PPFIA1: variants seen among roughly 807,000 people sequenced by gnomAD.
The protein encoded by PPFIA1 is liprin-alpha-1.
Under a neutral mutation model 149.9 loss-of-function variants are expected in PPFIA1, and 25 were observed. The ratio of observed to expected loss-of-function variants is 0.17; its 90% CI spans 0.12 to 0.23. PPFIA1 has a LOEUF of 0.23. PPFIA1 is among the 10% of genes least tolerant of loss of function. PPFIA1 has a pLI of 1.00. For synonymous variants in PPFIA1, 549 were observed against 552.8 expected, an observed-to-expected ratio of 0.99 and a Z score of 0.10; for missense variants, 1,362 against 1,506.5, an observed-to-expected ratio of 0.90 and a Z score of 1.59.
At chr11:70,299,957 C>T (rs1423678258) in intron 2 of PPFIA1, among the ~76,000 whole-genome samples, 4 of 152,180 alleles carry the variant, frequency 2.6e-5, no homozygotes, top group African/African-American at 4.8e-5. Flanking sequence ...AACAGAATCT[C>T]GACTTGCTTA....
chr11:70,357,400 A>G (rs2056410454), intron 19 of PPFIA1, among the ~76,000 whole-genome samples: 3 of 152,184 alleles, frequency 2.0e-5, no homozygotes, highest in South Asian at 2.1e-4. Flanking sequence ...TGTGAAATCT[A>G]TCTCATTTTA....
intron 2 of PPFIA1, chr11:70,279,018 T>C (rs2050579524): frequency 1.9e-6 from 1 of 530,718 alleles, no homozygotes; most frequent in African/African-American, 2.0e-5. Flanking sequence ...CAATTCTTTA[T>C]CTCCACGAAT....
chr11:70,382,624 A>G (rs974613644), intron 27 of PPFIA1, among the ~76,000 whole-genome samples: 1 of 152,190 alleles, frequency 6.6e-6, no homozygotes, highest in African/African-American at 2.4e-5. Context: ...GTGTGACACT[A>G]ATAGCCTTTC....
rs1189669595 is a variant in PPFIA1, at chr11:70,343,806, C to T, written c.1845C>T (p.Asp615=). ...GGGACACTCTCCTCAGCTCAGTTGA[C>T]CTGCTATCGCCCAGCGGGCAGGCCG... ...DDRDTLLSSV[D]LLSPSGQADA... is the part of the protein sequence containing the mutation. The change falls in exon 15 of 28, where the codon GAC becomes GAT. Residue 615 remains aspartate (D), a synonymous_variant. Coordinates refer to ENST00000253925, the MANE Select transcript of PPFIA1 (RefSeq NM_003626.5). 1 of 1,614,180 alleles carries T rather than the reference C, an allele frequency of 6.2e-7. No individual in the cohort carries two copies. Among genetic ancestry groups the T allele is most frequent in the Middle Eastern group, 1.6e-4 (1 of 6,062 alleles).
At chr11:70,356,666 T>C (rs1384615517) in intron 19 of PPFIA1, among the ~76,000 whole-genome samples, 2 of 152,346 alleles carry the variant, frequency 1.3e-5, no homozygotes, top group East Asian at 3.9e-4. Flanking sequence ...TTAAATGGGA[T>C]AATGTGCATA....
intron 2 of PPFIA1, among the ~76,000 whole-genome samples, chr11:70,272,953 C>T (rs576593932): frequency 1.3e-5 from 2 of 152,284 alleles, no homozygotes; most frequent in South Asian, 4.1e-4. Context: ...GAGATTGATT[C>T]CTTAGGAACT....
At chr11:70,330,841 G>A (rs2054608847) in intron 8 of PPFIA1, among the ~76,000 whole-genome samples, 1 of 152,196 alleles carries the variant, frequency 6.6e-6, no homozygotes, top group Non-Finnish European at 1.5e-5. Flanking sequence ...GGAGGCTAAG[G>A]AGGGAGGATG....
rs1050199629 is a variant in PPFIA1 at position 70,322,914 on chromosome 11, C to G, written c.265-1488C>G. Among the ~76,000 whole-genome samples the G allele has an allele frequency of 8.6e-5, 13 of 151,606 alleles. No individual in the cohort carries two copies. The East Asian group carries it at 2.4e-3, about 28-fold the overall frequency. The stretch of plus-strand genomic sequence containing the variant: ...TCCACAGTCACCCTGCTGCTGTCTT[C>G]CACTCTCTCTGACCACACTCAGTTC... On this transcript the variant is annotated intron_variant, in intron 2 of 27. Transcript: ENST00000253925.
chr11:70,367,963 C>G lies in PPFIA1; in HGVS notation c.2866-4252C>G, dbSNP rs191404981. Among the ~76,000 whole-genome samples, 29 of 152,184 alleles carry G rather than the reference C, an allele frequency of 1.9e-4. No individual in the cohort carries two copies. The East Asian group carries it at 3.9e-3, about 20-fold the overall frequency. ...ACCAGCCTGGGCAACGTGGGGAAAC[C>G]CTGTCTCTACAAAAAATATAAAAAT... is the stretch of plus-strand genomic sequence containing the variant. On this transcript the variant is annotated intron_variant, in intron 21 of 27. Transcript: ENST00000253925.
chr11:70,313,466 G>A (rs2053414819), intron 2 of PPFIA1, among the ~76,000 whole-genome samples: 1 of 152,160 alleles, frequency 6.6e-6, no homozygotes, highest in African/African-American at 2.4e-5. Flanking sequence ...TTGAAGGCAG[G>A]GATGAGTTAG....
intron 21 of PPFIA1, chr11:70,366,035 A>T: frequency 2.3e-6 from 1 of 443,640 alleles, no homozygotes; most frequent in Admixed American, 2.6e-5. Context: ...GAGTATGAAA[A>T]CTTGTGTAAT....
At chr11:70,311,737 A>C (rs911799734) in intron 2 of PPFIA1, among the ~76,000 whole-genome samples, 2 of 151,016 alleles carry the variant, frequency 1.3e-5, no homozygotes, top group Non-Finnish European at 2.9e-5. Flanking sequence ...CTTTGCACAC[A>C]TTTTGTGGAT....
chr11:70,323,710 C>A (rs1208473638), intron 2 of PPFIA1, among the ~76,000 whole-genome samples: 2 of 152,232 alleles, frequency 1.3e-5, no homozygotes, highest in Non-Finnish European at 1.5e-5. Flanking sequence ...TGTTTTCTTA[C>A]AATGTTCACC....
chr11:70,338,591 A>C, intron 13 of PPFIA1, 138 bp downstream of exon 13: 1 of 646,132 alleles, frequency 1.5e-6, no homozygotes, highest in South Asian at 2.0e-5. Flanking sequence ...CGAGAGAGAA[A>C]AGTAACTCAA....
intron 21 of PPFIA1, among the ~76,000 whole-genome samples, chr11:70,368,071 G>A (rs576776931): frequency 6.6e-6 from 1 of 152,282 alleles, no homozygotes; most frequent in South Asian, 2.1e-4. Flanking sequence ...CCGGAAAGTG[G>A]ACGTTACAGT....
Position 70,326,244 on chromosome 11 carries a change from T to A in PPFIA1, c.607-18T>A. ...TATGTAAGGTATTTTACACTCATAT[T>A]CAATTTTTTGCTTTCAGCTAATGAT... is the stretch of plus-strand genomic sequence containing the variant. On this transcript the variant is annotated intron_variant, in intron 5 of 27. Coordinates refer to ENST00000253925, the MANE Select transcript of PPFIA1 (RefSeq NM_003626.5). 1 of 1,437,910 alleles carries A rather than the reference T, an allele frequency of 7.0e-7. No homozygotes were observed. Among genetic ancestry groups the A allele is most frequent in the Non-Finnish European group, 9.6e-7 (1 of 1,038,744 alleles). 89.1% of individuals were successfully genotyped at this position (1,437,910 alleles called of 1,614,324 possible).
intron 26 of PPFIA1, among the ~76,000 whole-genome samples, chr11:70,381,727 C>T (rs887705150): frequency 6.6e-6 from 1 of 152,186 alleles, no homozygotes; most frequent in Non-Finnish European, 1.5e-5. Flanking sequence ...GCACTTAGGG[C>T]AGGGAGAAAG....
intron 8 of PPFIA1, among the ~76,000 whole-genome samples, chr11:70,330,552 ATC>A (rs1489172783): frequency 2.6e-5 from 4 of 152,222 alleles, no homozygotes; most frequent in Admixed American, 2.6e-4. Context: ...TTGAAAGTTA[ATC>A]TATTGCTTGT....
At chr11:70,295,417 G>C (rs2051870445) in intron 2 of PPFIA1, among the ~76,000 whole-genome samples, 1 of 145,876 alleles carries the variant, frequency 6.9e-6, no homozygotes, top group Non-Finnish European at 1.5e-5. Context: ...GAGGTGGCTG[G>C]CCGGGCACAG....
Sources: allele counts gnomAD v4.1 joint callset (sites outside exome capture counted in the v4.1 genomes callset), GRCh38; gene constraint gnomAD v4.1.1; transcripts MANE v1.5; gene names NCBI Gene and HGNC (gene_info 2026-07-23, HGNC 2026-07-21).